PCDH15: variants seen among roughly 807,000 people sequenced by gnomAD.
PCDH15 encodes the protein protocadherin-15.
A neutral mutation model predicts 178.5 loss-of-function variants in PCDH15; 129 were observed. The ratio of observed to expected loss-of-function variants is 0.72; its 90% CI spans 0.63 to 0.84. The LOEUF is 0.84. PCDH15 is among the 40% of genes least tolerant of loss of function. PCDH15 has a pLI of 0.00. For synonymous variants in PCDH15, 800 were observed against 732.0 expected (o/e 1.09, Z -1.50); for missense variants, 2,230 against 2,099.9 (o/e 1.06, Z -1.21).
chr10:55,585,322 GAACACTATA>G (rs1385191872), intron 2 of PCDH15, among the ~76,000 whole-genome samples: 1 of 152,054 alleles, frequency 6.6e-6, no homozygotes, highest in Non-Finnish European at 1.5e-5. Flanking sequence ...TAAAGATTCA[GAACACTATA>G]AACACTTTTT....
At position 54,252,746 on chromosome 10, in the gene PCDH15, T is replaced by C. The variant is rs540779127; in HGVS notation, c.877-15815A>G. 1.2e-3 allele frequency among the ~76,000 whole-genome samples: 179 copies of C among 152,150 alleles called. 1 individual carries two copies. Among genetic ancestry groups the C allele is most frequent in the African/African-American group, 4.2e-3 (174 of 41,460 alleles). On this transcript the variant is annotated intron_variant, in intron 8 of 37. Coordinates refer to ENST00000644397, the MANE Select transcript of PCDH15 (RefSeq NM_001384140.1). ...TATCAGATTAGACCAATTAATCCTA[T>C]GTCATTTTAATTATAGAACTTTTCT...
chr10:55,351,281 A>G (rs1164530190), intron 2 of PCDH15, among the ~76,000 whole-genome samples: 2 of 151,718 alleles, frequency 1.3e-5, no homozygotes, highest in African/African-American at 2.4e-5. Context: ...CATCCTTTCA[A>G]TGACAATTTT....
At chr10:54,556,195 G>T (rs553863334) in intron 2 of PCDH15, among the ~76,000 whole-genome samples, 7 of 152,008 alleles carry the variant, frequency 4.6e-5, no homozygotes, top group Admixed American at 6.6e-5. Flanking sequence ...ATGTATTTTA[G>T]CATTCTAAAT....
At chr10:54,712,537 G>A (rs2095437185) in intron 1 of PCDH15, among the ~76,000 whole-genome samples, 1 of 151,936 alleles carries the variant, frequency 6.6e-6, no homozygotes. Flanking sequence ...TATAGCAGAG[G>A]TTAGAAAGAA....
intron 1 of PCDH15, among the ~76,000 whole-genome samples, chr10:55,258,198 T>C (rs1487936284): frequency 2.6e-5 from 4 of 152,180 alleles, no homozygotes; most frequent in Non-Finnish European, 4.4e-5. Flanking sequence ...AGAATTGGAG[T>C]ATTTTAAGAA....
At chr10:54,203,086 T>C (rs2050421541) in intron 10 of PCDH15, among the ~76,000 whole-genome samples, 1 of 152,168 alleles carries the variant, frequency 6.6e-6, no homozygotes, top group African/African-American at 2.4e-5. Context: ...CCTTATAATC[T>C]GGAGCAAAAA....
Position 54,236,862 on chromosome 10 carries a change from G to C in PCDH15, c.946C>G (p.Pro316Ala), listed in dbSNP as rs377060910. 1.5e-5 allele frequency: 24 copies of C among 1,613,496 alleles called. No homozygotes were observed. Among genetic ancestry groups the C allele is most frequent in the Non-Finnish European group, 2.0e-5 (24 of 1,179,662 alleles). The change falls in exon 9 of 38, where the codon CCA becomes GCA. Residue 316 changes from proline (P) to alanine (A), a missense_variant. By Grantham distance (27) the Pro-to-Ala change is conservative. Coordinates refer to ENST00000644397, the MANE Select transcript of PCDH15 (RefSeq NM_001384140.1). The part of the protein sequence containing the change: ...AIDQDRNIQP[P>A]SDRPGILYSI... ...TAGAGGATTCCTGGCCTATCTGATG[G>C]CGGTTGAATATTCCGGTCCTGATCA...
intron 32 of PCDH15, chr10:53,820,970 G>T (rs977222763): frequency 1.9e-5 from 8 of 423,538 alleles, no homozygotes; most frequent in African/African-American, 1.7e-4. Context: ...TTAAACTGAA[G>T]ATCATACTTT....
intron 2 of PCDH15, among the ~76,000 whole-genome samples, chr10:54,541,205 C>T (rs35508078): frequency 0.23 from 34,403 of 151,870 alleles, 4,529 homozygotes; most frequent in Admixed American, 0.33. Flanking sequence ...TACCCAAACA[C>T]GAAACTAAAG....
At chr10:55,089,024 T>C (rs920927979) in intron 2 of PCDH15, among the ~76,000 whole-genome samples, 1 of 152,154 alleles carries the variant, frequency 6.6e-6, no homozygotes, top group Non-Finnish European at 1.5e-5. Flanking sequence ...TAAAAAAAGA[T>C]GTTATGTTTC....
In PCDH15 at chr10:54,369,271, G is replaced by A. The variant is rs1161238143; in HGVS notation, c.323C>T (p.Pro108Leu). 8.1e-6 allele frequency: 13 copies of A among 1,612,200 alleles called. No homozygotes were observed. In the East Asian group the frequency reaches 1.6e-4, roughly 19 times the overall value. The change falls in exon 5 of 38, where the codon CCG becomes CTG. Residue 108 changes from proline (P) to leucine (L), a missense_variant. Coordinates refer to ENST00000644397, the MANE Select transcript of PCDH15 (RefSeq NM_001384140.1). ...STGRVLDRDP[P>L]MNIHSIVVQV... ...CACCACAATGGAGTGTATGTTCATC[G>A]GTGGCTGCAATGTAGAAATTGCATC...
intron 3 of PCDH15, among the ~76,000 whole-genome samples, chr10:54,491,366 G>A (rs1161120378): frequency 6.7e-6 from 1 of 149,174 alleles, no homozygotes; most frequent in Non-Finnish European, 1.5e-5. Context: ...CAAGAAATAT[G>A]ATCAAATTCA....
At chr10:53,888,318 G>GTATATATGTATGTACATATATA (rs1238264864) in intron 26 of PCDH15, among the ~76,000 whole-genome samples, 10 of 91,788 alleles carry the variant, frequency 1.1e-4, no homozygotes, top group Non-Finnish European at 1.5e-4. Context: ...ATGTATATAT[G>GTATATATGTATGTACATATATA]TACGTATATA....
chr10:55,504,514 T>C (rs1840721586), intron 2 of PCDH15, among the ~76,000 whole-genome samples: 1 of 151,362 alleles, frequency 6.6e-6, no homozygotes, highest in Admixed American at 6.6e-5. Context: ...TAATTACCAG[T>C]ACATCCATAA....
chr10:55,136,014 T>C (rs560479540), intron 2 of PCDH15, among the ~76,000 whole-genome samples: 1 of 152,174 alleles, frequency 6.6e-6, no homozygotes, highest in African/African-American at 2.4e-5. Context: ...GCAAAATACA[T>C]AATAATGAAG....
intron 21 of PCDH15, among the ~76,000 whole-genome samples, chr10:53,988,032 G>A (rs7094237): frequency 0.32 from 49,271 of 151,978 alleles, 9,883 homozygotes; most frequent in East Asian, 0.62. Flanking sequence ...CTGTGTTCAC[G>A]TTTCTTTTTT....
chr10:55,280,720 C>T (rs565700395), intron 1 of PCDH15, among the ~76,000 whole-genome samples: 5 of 152,028 alleles, frequency 3.3e-5, no homozygotes, highest in South Asian at 2.1e-4. Context: ...TCTAGTAAAC[C>T]GCATTCACCT....
intron 5 of PCDH15, among the ~76,000 whole-genome samples, chr10:54,358,998 C>A (rs1227162437): frequency 8.5e-6 from 1 of 117,654 alleles, no homozygotes; most frequent in Non-Finnish European, 1.6e-5. Flanking sequence ...ACATCACACT[C>A]TGGGGACTGT....
chr10:55,039,004 G>A (rs149758184), intron 2 of PCDH15, among the ~76,000 whole-genome samples: 1,997 of 152,012 alleles, frequency 0.013, 52 homozygotes, highest in South Asian at 0.017. Context: ...TTACAGGTGC[G>A]GTTCTAAATT....
Sources: gnomAD v4.1 joint callset for allele counts (sites outside exome capture counted in the v4.1 genomes callset) on GRCh38, gnomAD v4.1.1 for gene constraint, MANE v1.5 for transcripts, NCBI Gene and HGNC (gene_info 2026-07-23, HGNC 2026-07-21) for gene names.